SCFD2: variants seen among roughly 807,000 people sequenced by gnomAD.
SCFD2 encodes the protein sec1 family domain-containing protein 2.
A neutral mutation model predicts 58.9 loss-of-function variants in SCFD2; 54 were observed. The observed-to-expected ratio is 0.92, with a 90% CI of 0.74 to 1.15. The LOEUF is 1.15. Ranked by LOEUF, SCFD2 falls within the 50% of genes most tolerant of loss-of-function variation. SCFD2 has a pLI of 0.00. For missense variants in SCFD2, 805 were observed against 836.6 expected (o/e 0.96, Z 0.47); for synonymous variants, 321 against 335.9 (o/e 0.96, Z 0.49).
intron 2 of SCFD2, among the ~76,000 whole-genome samples, chr4:53,342,539 G>T (rs1733914511): frequency 6.6e-6 from 1 of 152,100 alleles, no homozygotes; most frequent in Admixed American, 6.5e-5. Flanking sequence ...GTCAACATTA[G>T]ACAGATCAAC....
intron 5 of SCFD2, among the ~76,000 whole-genome samples, chr4:52,989,794 C>T (rs547979255): frequency 6.6e-6 from 1 of 152,178 alleles, no homozygotes; most frequent in South Asian, 2.1e-4. Context: ...AATGAGTTTT[C>T]TCTGTTCCCT....
chr4:52,992,147 C>G (rs1017462510), intron 5 of SCFD2, among the ~76,000 whole-genome samples: 2 of 152,196 alleles, frequency 1.3e-5, no homozygotes, highest in African/African-American at 4.8e-5. Flanking sequence ...CTGCCTCAGC[C>G]TGTCGAGTGC....
intron 4 of SCFD2, among the ~76,000 whole-genome samples, chr4:53,264,122 A>C (rs1730912871): frequency 6.6e-6 from 1 of 152,188 alleles, no homozygotes. Context: ...TGTAGACTAC[A>C]GTCCTAAAGG....
intron 6 of SCFD2, among the ~76,000 whole-genome samples, chr4:52,909,935 C>T (rs1261063876): frequency 1.3e-5 from 2 of 152,204 alleles, no homozygotes; most frequent in Non-Finnish European, 2.9e-5. Flanking sequence ...GTTCTGAATG[C>T]TCTTCTATCA....
intron 5 of SCFD2, among the ~76,000 whole-genome samples, chr4:52,922,172 G>A (rs1482922220): frequency 6.6e-6 from 1 of 152,146 alleles, no homozygotes; most frequent in Non-Finnish European, 1.5e-5. Flanking sequence ...CTGGCTTTAT[G>A]TTTTTAGTAA....
chr4:53,034,480 C>T (rs1316341865), intron 5 of SCFD2, among the ~76,000 whole-genome samples: 1 of 152,140 alleles, frequency 6.6e-6, no homozygotes, highest in African/African-American at 2.4e-5. Flanking sequence ...CCAGGGCAAT[C>T]AGGCAAGAGA....
intron 5 of SCFD2, among the ~76,000 whole-genome samples, chr4:53,112,425 T>A (rs1222236317): frequency 1.3e-5 from 2 of 152,148 alleles, no homozygotes; most frequent in Non-Finnish European, 2.9e-5. Flanking sequence ...TGGGATTTAC[T>A]GTATAGCTGG....
At chr4:52,990,286 C>T (rs1721589174) in intron 5 of SCFD2, among the ~76,000 whole-genome samples, 2 of 152,194 alleles carry the variant, frequency 1.3e-5, no homozygotes, top group South Asian at 2.1e-4. Context: ...ATATATAAGG[C>T]TCTGAATGAT....
intron 5 of SCFD2, among the ~76,000 whole-genome samples, chr4:53,121,973 G>A (rs546339343): frequency 1.3e-5 from 2 of 151,882 alleles, no homozygotes; most frequent in Admixed American, 1.3e-4. Flanking sequence ...TTTAATTTCA[G>A]CTGCCATCAT....
chr4:53,192,690 T>A (rs2148959404), intron 4 of SCFD2, among the ~76,000 whole-genome samples: 1 of 152,290 alleles, frequency 6.6e-6, no homozygotes, highest in African/African-American at 2.4e-5. Context: ...GGGATGGTAA[T>A]TCCTCCTCTG....
chr4:53,230,505 A>G (rs1004603890), intron 4 of SCFD2, among the ~76,000 whole-genome samples: 1 of 152,022 alleles, frequency 6.6e-6, no homozygotes, highest in Non-Finnish European at 1.5e-5. Context: ...CATCATTCTC[A>G]GCAAACTATC....
In SCFD2 at chr4:53,250,121, G is replaced by T. The variant is rs1212016921; in HGVS notation, c.1311+23705C>A. ...ATGGAGGAAGATCTACCAAGCAAAT[G>T]GAAAACAAAAAAAGGCAAGGGTTGC... On this transcript the variant is annotated intron_variant, in intron 4 of 8. Transcript: ENST00000401642. 1.3e-5 allele frequency among the ~76,000 whole-genome samples: 2 copies of T among 151,640 alleles called. 1 individual carries two copies. The highest frequency in any genetic ancestry group is 4.2e-4 in the South Asian group (2 of 4,818).
At chr4:52,927,392 C>G (rs1719888897) in intron 5 of SCFD2, among the ~76,000 whole-genome samples, 1 of 152,016 alleles carries the variant, frequency 6.6e-6, no homozygotes, top group Admixed American at 6.6e-5. Flanking sequence ...ATACCACATG[C>G]AATCCCATTT....
At chr4:53,077,456 G>A (rs1484649378) in intron 5 of SCFD2, among the ~76,000 whole-genome samples, 1 of 151,508 alleles carries the variant, frequency 6.6e-6, no homozygotes, top group African/African-American at 2.4e-5. Context: ...ATTATTTTTT[G>A]AGACAGAGTC....
chr4:53,272,316 A>T (rs1386809553), intron 4 of SCFD2, among the ~76,000 whole-genome samples: 1 of 152,154 alleles, frequency 6.6e-6, no homozygotes, highest in Non-Finnish European at 1.5e-5. Context: ...ATCTAGAACT[A>T]GAAATACCAT....
At chr4:53,267,625 A>G (rs1035202916) in intron 4 of SCFD2, among the ~76,000 whole-genome samples, 1 of 152,170 alleles carries the variant, frequency 6.6e-6, no homozygotes, top group Non-Finnish European at 1.5e-5. Flanking sequence ...CTGTGTTGCC[A>G]GGCTGGAGCG....
chr4:53,120,059 G>A (rs1009194373), intron 5 of SCFD2, among the ~76,000 whole-genome samples: 1 of 152,182 alleles, frequency 6.6e-6, no homozygotes, highest in African/African-American at 2.4e-5. Context: ...ACACACTAAT[G>A]GGTGAAAATG....
At chr4:53,032,470 C>A (rs180807370) in intron 5 of SCFD2, among the ~76,000 whole-genome samples, 1 of 152,048 alleles carries the variant, frequency 6.6e-6, no homozygotes, top group Non-Finnish European at 1.5e-5. Context: ...AGGCTAAATG[C>A]CCCCAATTAA....
intron 1 of SCFD2, among the ~76,000 whole-genome samples, chr4:53,357,180 G>C (rs1444457767): frequency 6.6e-6 from 1 of 152,070 alleles, no homozygotes; most frequent in Admixed American, 6.6e-5. Context: ...TCAGCACTTT[G>C]GGAGGCTGAG....
Sources: allele counts gnomAD v4.1 joint callset (sites outside exome capture counted in the v4.1 genomes callset), GRCh38; gene constraint gnomAD v4.1.1; transcripts MANE v1.5; gene names NCBI Gene and HGNC (gene_info 2026-07-23, HGNC 2026-07-21).